CGRRF1: variants seen among roughly 807,000 people sequenced by gnomAD.
The protein encoded by CGRRF1 is cell growth regulator with RING finger domain protein 1.
A neutral mutation model predicts 37.2 loss-of-function variants in CGRRF1; 32 were observed. The ratio of observed to expected loss-of-function variants is 0.86; its 90% CI spans 0.65 to 1.16. The LOEUF is 1.16. Among genes scored for constraint, CGRRF1 ranks in the 50% most tolerant of loss-of-function variants. CGRRF1 has a pLI of 0.00. For missense variants in CGRRF1, 391 were observed against 382.6 expected, an observed-to-expected ratio of 1.02 and a Z score of -0.18; for synonymous variants, 141 against 140.3, an observed-to-expected ratio of 1.00 and a Z score of -0.04.
At position 54,538,132 on chromosome 14, in the gene CGRRF1, G is replaced by C. The variant is rs138610389; in HGVS notation, c.748G>C (p.Asp250His). ...TTCCTCTTCAGAAGAAAAAAACACA[G>C]ACAGAAGTTTGTTGGAAAAGGTGGG... Reference protein sequence around the residue: ...NNSSSEEKNTDRSLLEKVGLS... With the variant: ...NNSSSEEKNTHRSLLEKVGLS... The change falls in exon 6 of 6, where the codon GAC becomes CAC. Residue 250 changes from aspartate to histidine, a missense_variant. By Grantham distance (81) the Asp-to-His change is moderately conservative. Transcript: ENST00000216420. The C allele has an allele frequency of 2.5e-6, 4 of 1,613,870 alleles. No homozygotes were observed. In the African/African-American group the frequency reaches 5.3e-5, roughly 22 times the overall value.
chr14:54,527,279 A>T (rs530938724), intron 2 of CGRRF1, among the ~76,000 whole-genome samples: 2 of 152,292 alleles, frequency 1.3e-5, no homozygotes, highest in African/African-American at 4.8e-5. Context: ...CACTGTCTTC[A>T]GATAGTGGAA....
Position 54,538,440 on chromosome 14 carries a change from T to C in CGRRF1, c.*57T>C. ...ACTAAAGATGCAGAAATTGATGATC[T>C]TGGAATTCATCATAACATGGAATCT... On this transcript the variant is annotated 3_prime_UTR_variant, in exon 6 of 6. Coordinates refer to ENST00000216420, the MANE Select transcript of CGRRF1 (RefSeq NM_006568.3). The C allele has an allele frequency of 7.9e-7, 1 of 1,272,360 alleles. No individual in the cohort carries two copies. The allele number at this position is 1,272,360 out of a possible 1,614,324, so 78.8% of individuals were successfully genotyped here.
intron 1 of CGRRF1, among the ~76,000 whole-genome samples, chr14:54,513,172 A>G (rs2032157258): frequency 1.3e-5 from 2 of 152,218 alleles, no homozygotes; most frequent in African/African-American, 4.8e-5. Context: ...AAAACTTTCA[A>G]AGATAGAATT....
intron 1 of CGRRF1, among the ~76,000 whole-genome samples, chr14:54,519,606 C>T (rs1012659464): frequency 7.9e-5 from 12 of 152,098 alleles, no homozygotes; most frequent in Non-Finnish European, 1.6e-4. Flanking sequence ...CCTAATCCAG[C>T]TCCTGGTTCC....
intron 4 of CGRRF1, 24 bp downstream of exon 4, chr14:54,531,074 G>A (rs74537102): frequency 0.079 from 122,567 of 1,557,686 alleles, 5,533 homozygotes; most frequent in Non-Finnish European, 0.089. Context: ...AATTTTGAAA[G>A]CATTACCTTT....
At chr14:54,531,691 A>C (rs944347153) in intron 4 of CGRRF1, among the ~76,000 whole-genome samples, 3 of 152,114 alleles carry the variant, frequency 2.0e-5, no homozygotes, top group Non-Finnish European at 4.4e-5. Context: ...AATTATAATA[A>C]TCTCCTTTCC....
chr14:54,524,435 G>A (rs551178832), intron 2 of CGRRF1, among the ~76,000 whole-genome samples: 16 of 150,156 alleles, frequency 1.1e-4, no homozygotes, highest in Non-Finnish European at 2.4e-4. Flanking sequence ...ACCCAGGCTG[G>A]AATGCAGTAG....
chr14:54,530,659 A>G, intron 3 of CGRRF1: 1 of 840,926 alleles, frequency 1.2e-6, no homozygotes, highest in Non-Finnish European at 1.8e-6. Context: ...TAACTTATTG[A>G]TCATTTTTGG....
intron 1 of CGRRF1, among the ~76,000 whole-genome samples, chr14:54,517,493 A>G (rs1483092487): frequency 6.6e-6 from 1 of 152,202 alleles, no homozygotes; most frequent in Non-Finnish European, 1.5e-5. Flanking sequence ...TTTAGTTTTC[A>G]ACCTAAATTT....
Position 54,522,613 on chromosome 14 carries a change from A to T in CGRRF1, c.244+20A>T, listed in dbSNP as rs770423114. On this transcript the variant is annotated intron_variant, in intron 2 of 5. Coordinates refer to ENST00000216420, the MANE Select transcript of CGRRF1 (RefSeq NM_006568.3). ...TTACAAGTTGGTGGCTGTTTTCCAA[A>T]GATTTTCTCTCATTGTTTGCCCTCT... 2 of 1,571,760 alleles carry T rather than the reference A, an allele frequency of 1.3e-6. No individual in the cohort carries two copies. Among genetic ancestry groups the T allele is most frequent in the South Asian group, 2.4e-5 (2 of 84,386 alleles).
chr14:54,530,049 C>A lies in CGRRF1; in HGVS notation c.245C>A (p.Thr82Asn), dbSNP rs777611178. Residue 82 changes from threonine (T) to asparagine (N), a missense_variant and splice_region_variant, in exon 3 of 6, where the codon ACT becomes AAT. Physicochemically the swap from Thr to Asn is moderately conservative, Grantham distance 65. Transcript: ENST00000216420. ...ATTCTTTCTCCTTTGTTTTTTACAG[C>A]TGGCATAACCTTGACAACAGATTGC... Reference protein sequence around the residue: ...ITNPSSASITTGITLTTDCLE... With the variant: ...ITNPSSASITNGITLTTDCLE... The A allele has an allele frequency of 1.3e-6, 2 of 1,599,312 alleles. No homozygotes were observed. The highest frequency in any genetic ancestry group is 2.2e-5 in the South Asian group (2 of 90,196).
At chr14:54,519,491 TC>T (rs2032278887) in intron 1 of CGRRF1, among the ~76,000 whole-genome samples, 1 of 151,504 alleles carries the variant, frequency 6.6e-6, no homozygotes, top group Non-Finnish European at 1.5e-5. Flanking sequence ...GCTCAAGCAT[TC>T]CTCCCTCCTC....
rs1483133016 is a variant in CGRRF1, at chr14:54,522,435, A to G, written c.105-19A>G. 1 of 1,481,512 alleles carries G rather than the reference A, an allele frequency of 6.7e-7. No homozygotes were observed. Among genetic ancestry groups the G allele is most frequent in the South Asian group, 1.3e-5 (1 of 75,536 alleles). 91.8% of individuals were successfully genotyped at this position (1,481,512 alleles called of 1,614,324 possible). ...TCAACATTTGTTAAAATAATATTTT[A>G]TTTTTTACCTTTTTTTAGGTTTGGT... On this transcript the variant is annotated intron_variant, in intron 1 of 5. Transcript: ENST00000216420.
At chr14:54,526,544 G>A (rs1314830719) in intron 2 of CGRRF1, among the ~76,000 whole-genome samples, 2 of 151,780 alleles carry the variant, frequency 1.3e-5, no homozygotes, top group Non-Finnish European at 2.9e-5. Flanking sequence ...GGGTTGCTGG[G>A]ATTTTTTTGT....
intron 2 of CGRRF1, among the ~76,000 whole-genome samples, chr14:54,529,281 G>GGGGTATTTGT (rs1382602146): frequency 2.6e-5 from 4 of 152,186 alleles, no homozygotes; most frequent in Admixed American, 6.5e-5. Flanking sequence ...ATACCACTAG[G>GGGGTATTTGT]AGGGGGAAAT....
At chr14:54,537,660 C>A in intron 4 of CGRRF1, 62 bp from the exon 5 acceptor site, 2 of 1,370,004 alleles carry the variant, frequency 1.5e-6, no homozygotes, top group South Asian at 3.9e-5. Context: ...AAGCATTTTT[C>A]ATATATTTGT....
At chr14:54,510,139 G>A in intron 1 of CGRRF1, 76 bp downstream of exon 1, 2 of 1,093,668 alleles carry the variant, frequency 1.8e-6, no homozygotes, top group South Asian at 2.6e-5. Flanking sequence ...AGGGGGCACC[G>A]GAGCCGGAGG....
chr14:54,519,679 C>T (rs2032283223), intron 1 of CGRRF1, among the ~76,000 whole-genome samples: 2 of 152,228 alleles, frequency 1.3e-5, no homozygotes, highest in Admixed American at 6.5e-5. Flanking sequence ...CTCCTTAGTA[C>T]ATGAAGGCTT....
At position 54,530,062 on chromosome 14, in the gene CGRRF1, G is replaced by A. The variant is rs1433566976; in HGVS notation, c.258G>A (p.Leu86=). The change falls in exon 3 of 6, where the codon TTG becomes TTA. Residue 86 remains leucine (L), a synonymous_variant. Transcript: ENST00000216420. The part of the protein sequence containing the change: ...SSASITTGIT[L]TTDCLEDSLL... ...TGTTTTTTACAGCTGGCATAACCTT[G>A]ACAACAGATTGCCTTGAAGATAGCC... 1 of 1,609,358 alleles carries A rather than the reference G, an allele frequency of 6.2e-7. No homozygotes were observed. The highest frequency in any genetic ancestry group is 8.5e-7 in the Non-Finnish European group (1 of 1,176,464).
Sources: allele counts gnomAD v4.1 joint callset (sites outside exome capture counted in the v4.1 genomes callset), GRCh38; gene constraint gnomAD v4.1.1; transcripts MANE v1.5; gene names NCBI Gene and HGNC (gene_info 2026-07-23, HGNC 2026-07-21).